Variants in LINC00305 observed in about 807,000 individuals in gnomAD.
LINC00305 encodes long intergenic non-protein coding RNA 305.
chr18:64,107,167 G>C (rs1599214411), intron 1 of LINC00305, among the ~76,000 whole-genome samples: 1 of 152,338 alleles, frequency 6.6e-6, no homozygotes. Flanking sequence ...GAAAATAATA[G>C]TCTTTGGTGG....
At chr18:64,109,448 A>G (rs1034821161) in intron 1 of LINC00305, among the ~76,000 whole-genome samples, 6 of 152,234 alleles carry the variant, frequency 3.9e-5, no homozygotes, top group Non-Finnish European at 7.3e-5. Context: ...AACTAACAAC[A>G]AATTTGTGTT....
chr18:64,130,569 A>AAAG (rs1482414665), intron 1 of LINC00305, among the ~76,000 whole-genome samples: 4 of 152,324 alleles, frequency 2.6e-5, no homozygotes, highest in Admixed American at 2.0e-4. Context: ...TTATGCATTA[A>AAAG]AAGATCGATA....
At chr18:64,143,853 T>C (rs1410365421) in intron 1 of LINC00305, among the ~76,000 whole-genome samples, 1 of 152,002 alleles carries the variant, frequency 6.6e-6, no homozygotes, top group African/African-American at 2.4e-5. Flanking sequence ...TATACATACA[T>C]ACATACATAC....
intron 1 of LINC00305, among the ~76,000 whole-genome samples, chr18:64,146,379 G>A (rs2051498415): frequency 1.3e-5 from 2 of 152,204 alleles, no homozygotes; most frequent in Non-Finnish European, 2.9e-5. Flanking sequence ...GACTTTGTAT[G>A]TGTGTGTGTA....
chr18:64,090,516 G>A (rs559595764), intron 3 of LINC00305, among the ~76,000 whole-genome samples: 4 of 152,272 alleles, frequency 2.6e-5, no homozygotes, highest in Admixed American at 6.5e-5. Flanking sequence ...AATGTTACCC[G>A]AAAGGGTTTA....
chr18:64,089,866 A>G (rs571666035), intron 3 of LINC00305, among the ~76,000 whole-genome samples: 4 of 152,336 alleles, frequency 2.6e-5, no homozygotes, highest in Middle Eastern at 3.4e-3. Flanking sequence ...CACTATTAAA[A>G]GAACAGCATG....
intron 1 of LINC00305, among the ~76,000 whole-genome samples, chr18:64,103,068 CCTT>C (rs2051274137): frequency 6.6e-6 from 1 of 152,162 alleles, no homozygotes; most frequent in South Asian, 2.1e-4. Flanking sequence ...GCTCTTAATT[CCTT>C]CTTATTTGAT....
intron 1 of LINC00305, among the ~76,000 whole-genome samples, chr18:64,142,624 T>C (rs1045977088): frequency 4.6e-5 from 7 of 152,260 alleles, no homozygotes; most frequent in Non-Finnish European, 2.9e-5. Context: ...TCATGGAGCA[T>C]GATACACAAG....
intron 1 of LINC00305, among the ~76,000 whole-genome samples, chr18:64,105,171 G>A (rs879622698): frequency 3.1e-4 from 47 of 152,200 alleles, no homozygotes; most frequent in African/African-American, 1.1e-3. Flanking sequence ...TATAAAAAAT[G>A]TTTTCTAGGC....
chr18:64,108,075 G>A (rs1444079024), intron 1 of LINC00305, among the ~76,000 whole-genome samples: 1 of 152,172 alleles, frequency 6.6e-6, no homozygotes, highest in Non-Finnish European at 1.5e-5. Flanking sequence ...TATACATCCA[G>A]GTTTCTATTA....
In LINC00305 at chr18:64,083,079, T is replaced by A. The variant is rs145840319; in HGVS notation, n.541-2677A>T. 8.5e-3 allele frequency among the ~76,000 whole-genome samples: 1,290 copies of A among 152,314 alleles called. 16 individuals are homozygous for A. Among genetic ancestry groups the A allele is most frequent in the African/African-American group, 0.029 (1,211 of 41,566 alleles). ...CTTGTCCTTAATCTTATATTTAGTCTCTTTAGCCATTCACCTTCCTTTAAT... is the reference window on the plus strand; with the variant it reads ...CTTGTCCTTAATCTTATATTTAGTCACTTTAGCCATTCACCTTCCTTTAAT... On this transcript the variant is annotated intron_variant and non_coding_transcript_variant, in intron 3 of 3. Transcript: ENST00000666468.
chr18:64,107,180 G>A (rs1375739163), intron 1 of LINC00305, among the ~76,000 whole-genome samples: 1 of 152,210 alleles, frequency 6.6e-6, no homozygotes, highest in Non-Finnish European at 1.5e-5. Flanking sequence ...TTTGGTGGAG[G>A]TGAAGACAGA....
intron 1 of LINC00305, among the ~76,000 whole-genome samples, chr18:64,137,823 G>A (rs2051442214): frequency 1.3e-5 from 2 of 150,924 alleles, no homozygotes; most frequent in South Asian, 2.1e-4. Context: ...TTAAACACAA[G>A]CCATTAAATA....
intron 1 of LINC00305, among the ~76,000 whole-genome samples, chr18:64,140,989 C>T (rs1361640001): frequency 1.4e-5 from 2 of 138,160 alleles, no homozygotes; most frequent in South Asian, 2.3e-4. Flanking sequence ...GCCAGCAAGG[C>T]GATGGGAACC....
chr18:64,125,829 T>C (rs2051382702), intron 1 of LINC00305, among the ~76,000 whole-genome samples: 1 of 152,092 alleles, frequency 6.6e-6, no homozygotes, highest in Admixed American at 6.6e-5. Context: ...ATTAATGCCA[T>C]TATCAGGGGG....
rs149835038 is a variant in LINC00305 at position 64,089,508 on chromosome 18, G to A, written n.540+8326C>T. ...TTTTCTTTCTTCCACTGCTCTCTAG[G>A]CTCTCTGTTGGCTAAACCCAAGGGA... On this transcript the variant is annotated intron_variant and non_coding_transcript_variant, in intron 3 of 3. Coordinates refer to ENST00000666468, the Ensembl canonical transcript of LINC00305. Among the ~76,000 whole-genome samples the A allele has an allele frequency of 2.9e-4, 44 of 152,254 alleles. 1 individual carries two copies. In the East Asian group the frequency reaches 8.5e-3, roughly 29 times the overall value.
At chr18:64,084,518 C>G (rs1330514439) in intron 3 of LINC00305, among the ~76,000 whole-genome samples, 1 of 152,194 alleles carries the variant, frequency 6.6e-6, no homozygotes, top group Non-Finnish European at 1.5e-5. Flanking sequence ...TTGCTGACCT[C>G]TTTTCTTTAG....
chr18:64,091,167 C>G (rs2051223480), intron 3 of LINC00305, among the ~76,000 whole-genome samples: 1 of 152,218 alleles, frequency 6.6e-6, no homozygotes, highest in South Asian at 2.1e-4. Context: ...ATCATTGCCT[C>G]TTTCTGGATT....
intron 1 of LINC00305, among the ~76,000 whole-genome samples, chr18:64,109,275 T>A (rs2051304918): frequency 6.6e-6 from 1 of 152,114 alleles, no homozygotes; most frequent in Non-Finnish European, 1.5e-5. Flanking sequence ...TTCCCATTAG[T>A]GAAAGAGTAT....
Sources: allele counts gnomAD v4.1 joint callset (sites outside exome capture counted in the v4.1 genomes callset), GRCh38; gene constraint gnomAD v4.1.1; transcripts MANE v1.5; gene names NCBI Gene and HGNC (gene_info 2026-07-23, HGNC 2026-07-21).